MMP16: variants seen among roughly 807,000 people sequenced by gnomAD.
MMP16 encodes matrix metallopeptidase 16, also known as matrix metalloproteinase-16.
A neutral mutation model predicts 67.8 loss-of-function variants in MMP16; 12 were observed. The ratio of observed to expected loss-of-function variants is 0.18; its 90% CI spans 0.11 to 0.29. MMP16 has a LOEUF of 0.29. Among genes scored for constraint, MMP16 ranks in the 10% least tolerant of loss-of-function variants. The pLI, the probability that MMP16 is intolerant of heterozygous loss-of-function variation, is 1.00. For synonymous variants in MMP16, 249 were observed against 255.9 expected, an observed-to-expected ratio of 0.97 and a Z score of 0.26; for missense variants, 475 against 765.7, an observed-to-expected ratio of 0.62 and a Z score of 4.48.
At chr8:88,239,196 G>A (rs964945145) in intron 1 of MMP16, among the ~76,000 whole-genome samples, 4 of 150,716 alleles carry the variant, frequency 2.7e-5, no homozygotes, top group Non-Finnish European at 5.9e-5. Flanking sequence ...TTGGGAGGGT[G>A]AGGCAGGAGG....
At chr8:88,303,903 T>C (rs1487727504) in intron 1 of MMP16, among the ~76,000 whole-genome samples, 1 of 152,060 alleles carries the variant, frequency 6.6e-6, no homozygotes, top group African/African-American at 2.4e-5. Context: ...GTGCTTCTCC[T>C]CCAAATGACT....
Position 88,147,130 on chromosome 8 carries a change from C to T in MMP16, c.709+20539G>A, listed in dbSNP as rs142793402. ...TTAAAATTATATTATCACCTGATCA[C>T]TTTACTTGCTTTCTTATGCTATAAT... On this transcript the variant is annotated intron_variant, in intron 4 of 9. Coordinates refer to ENST00000286614, the MANE Select transcript of MMP16 (RefSeq NM_005941.5). Among the ~76,000 whole-genome samples the T allele has an allele frequency of 6.6e-4, 100 of 152,110 alleles. No individual in the cohort carries two copies. In the East Asian group the frequency reaches 0.018, roughly 28 times the overall value.
chr8:88,049,410 TA>T (rs1808241846), intron 8 of MMP16, among the ~76,000 whole-genome samples: 1 of 152,224 alleles, frequency 6.6e-6, no homozygotes, highest in African/African-American at 2.4e-5. Flanking sequence ...GCTCATAATC[TA>T]AAGATCTCTT....
intron 8 of MMP16, among the ~76,000 whole-genome samples, chr8:88,048,022 G>T (rs1231771168): frequency 2.0e-5 from 3 of 152,170 alleles, no homozygotes; most frequent in Non-Finnish European, 4.4e-5. Context: ...GAAGGAAGCT[G>T]AGCATGACTC....
At chr8:88,205,119 C>A (rs1809405529) in intron 1 of MMP16, among the ~76,000 whole-genome samples, 2 of 152,280 alleles carry the variant, frequency 1.3e-5, no homozygotes, top group South Asian at 4.1e-4. Context: ...TATCTTTAAT[C>A]CTTATAGTAA....
chr8:88,124,588 A>G (rs1411216596), intron 4 of MMP16, among the ~76,000 whole-genome samples: 1 of 151,948 alleles, frequency 6.6e-6, no homozygotes, highest in Non-Finnish European at 1.5e-5. Context: ...CCACCCTGTC[A>G]AGCCACCTTC....
chr8:88,246,524 C>T (rs1156849650), intron 1 of MMP16, among the ~76,000 whole-genome samples: 1 of 152,156 alleles, frequency 6.6e-6, no homozygotes, highest in Non-Finnish European at 1.5e-5. Flanking sequence ...GGGATATCAT[C>T]TGTGCATAAA....
In MMP16 at chr8:88,037,162, T is replaced by C. The variant is rs986496488; in HGVS notation, c.*4299A>G. ...AACATGTAGAACTTGCAAATATGAC[T>C]ACCCCTACAATCCAGTTTACACACC... On this transcript the variant is annotated 3_prime_UTR_variant, in exon 10 of 10. Transcript: ENST00000286614. 4 of 150,532 alleles carry C rather than the reference T, an allele frequency of 2.7e-5. No homozygotes were observed. The highest frequency in any genetic ancestry group is 7.3e-5 in the African/African-American group (3 of 40,980). The allele number at this position is 150,532 out of a possible 1,614,324, so 9.3% of individuals were successfully genotyped here.
chr8:88,148,281 T>C (rs760032968), intron 4 of MMP16, among the ~76,000 whole-genome samples: 2 of 152,238 alleles, frequency 1.3e-5, no homozygotes, highest in East Asian at 3.8e-4. Context: ...ATTTTAATAT[T>C]ATGTATCTTA....
At chr8:88,294,467 T>A (rs1304673735) in intron 1 of MMP16, among the ~76,000 whole-genome samples, 1 of 151,384 alleles carries the variant, frequency 6.6e-6, no homozygotes, top group Non-Finnish European at 1.5e-5. Context: ...CATGTCTCTG[T>A]ACACACATAT....
At chr8:88,059,716 A>G (rs1278205330) in intron 7 of MMP16, among the ~76,000 whole-genome samples, 1 of 152,090 alleles carries the variant, frequency 6.6e-6, no homozygotes, top group African/African-American at 2.4e-5. Context: ...CTGTAAGACT[A>G]GAGCCAGTCA....
intron 1 of MMP16, among the ~76,000 whole-genome samples, chr8:88,292,544 A>C (rs911143002): frequency 1.3e-5 from 2 of 152,236 alleles, no homozygotes; most frequent in African/African-American, 4.8e-5. Flanking sequence ...AAATGTTAAT[A>C]AATCAATACC....
At chr8:88,324,892 A>G (rs950515390) in intron 1 of MMP16, among the ~76,000 whole-genome samples, 70 of 152,344 alleles carry the variant, frequency 4.6e-4, no homozygotes, top group African/African-American at 1.7e-3. Context: ...CATTACACAT[A>G]AAGAAGCTTA....
intron 1 of MMP16, among the ~76,000 whole-genome samples, chr8:88,268,874 C>T (rs1258559599): frequency 6.6e-6 from 1 of 151,980 alleles, no homozygotes; most frequent in Non-Finnish European, 1.5e-5. Context: ...CTCTCCATTC[C>T]CAGTGTGTTT....
chr8:88,237,841 T>C (rs142140087), intron 1 of MMP16, among the ~76,000 whole-genome samples: 2 of 152,312 alleles, frequency 1.3e-5, no homozygotes, highest in South Asian at 2.1e-4. Flanking sequence ...ATGACTCTAT[T>C]ATGAACAATC....
rs1808124236 is a variant in MMP16 at position 88,136,680 on chromosome 8, TTAAA to T, written c.710-17823_710-17820del. ...ATGAATTAAATTCATATTAAATACA[TTAAA>T]TAAAATGAATTCATATTTAATATGA... On this transcript the variant is annotated intron_variant, in intron 4 of 9. Transcript: ENST00000286614. 2.0e-5 allele frequency among the ~76,000 whole-genome samples: 3 copies of T among 151,702 alleles called. No individual in the cohort carries two copies. In the South Asian group the frequency reaches 6.2e-4, roughly 31 times the overall value.
intron 3 of MMP16, 174 bp downstream of exon 3, chr8:88,186,302 G>T: frequency 1.5e-6 from 1 of 676,528 alleles, no homozygotes; most frequent in Non-Finnish European, 2.4e-6. Context: ...GTCTACATAG[G>T]GTGTCTAATG....
intron 6 of MMP16, among the ~76,000 whole-genome samples, chr8:88,075,905 C>G (rs2118286547): frequency 6.8e-6 from 1 of 146,622 alleles, no homozygotes; most frequent in East Asian, 2.1e-4. Context: ...CCTGACCAAA[C>G]TTTCTAGGAT....
At chr8:88,166,121 G>A (rs1808706746) in intron 4 of MMP16, among the ~76,000 whole-genome samples, 1 of 151,632 alleles carries the variant, frequency 6.6e-6, no homozygotes, top group African/African-American at 2.4e-5. Context: ...GAGAACCCTG[G>A]GTATCCTAAA....
Sources: allele counts gnomAD v4.1 joint callset (sites outside exome capture counted in the v4.1 genomes callset), GRCh38; gene constraint gnomAD v4.1.1; transcripts MANE v1.5; gene names NCBI Gene and HGNC (gene_info 2026-07-23, HGNC 2026-07-21).